WFDC8: variants seen among roughly 807,000 people sequenced by gnomAD.
The protein encoded by WFDC8 is WAP four-disulfide core domain protein 8.
A neutral mutation model predicts 27.0 loss-of-function variants in WFDC8; 24 were observed. The ratio of observed to expected loss-of-function variants is 0.89; its 90% confidence interval spans 0.64 to 1.25. WFDC8 has a LOEUF of 1.25. Ranked by LOEUF, WFDC8 falls within the 50% of genes most tolerant of loss-of-function variation. WFDC8 has a pLI of 0.00. For synonymous variants in WFDC8, 106 were observed against 99.7 expected, an observed-to-expected ratio of 1.06 and a Z score of -0.38; for missense variants, 287 against 295.9, an observed-to-expected ratio of 0.97 and a Z score of 0.22.
In WFDC8 at chr20:45,562,181, T is replaced by C. The variant is rs781055626; in HGVS notation, c.65A>G (p.Asn22Ser). The change falls in exon 2 of 6, where the codon AAT (asparagine) becomes AGT (serine). Residue 22 changes from asparagine to serine, a missense_variant. By Grantham distance (46) the Asn-to-Ser change is conservative. Coordinates refer to ENST00000289953, the MANE Select transcript of WFDC8 (RefSeq NM_130896.3). ...GGAGAGAAGCAGCAGGAAAGCTACA[T>C]TCCTCCAGGAGAAGGTGGGGCTATG... Reference protein sequence around the residue: ...PLHSPTFSWRNVAFLLLLSLA... With the variant: ...PLHSPTFSWRSVAFLLLLSLA... 2 of 1,614,154 alleles carry C rather than the reference T, an allele frequency of 1.2e-6. No homozygotes were observed. The highest frequency in any genetic ancestry group is 1.1e-5 in the South Asian group (1 of 91,078).
chr20:45,574,455 C>CAA (rs34142873), intron 1 of WFDC8, among the ~76,000 whole-genome samples: 3 of 126,234 alleles, frequency 2.4e-5, no homozygotes, highest in South Asian at 4.9e-4. Flanking sequence ...CAAAAATTCT[C>CAA]AAAAAAAAAA....
intron 4 of WFDC8, 105 bp from the exon 5 acceptor site, chr20:45,553,381 G>A (rs1980119130): frequency 4.3e-6 from 6 of 1,402,804 alleles, no homozygotes; most frequent in Non-Finnish European, 5.7e-6. Context: ...TCTGCAACTT[G>A]GTTCACCCTA....
At chr20:45,554,059 C>T (rs528409105) in intron 4 of WFDC8, among the ~76,000 whole-genome samples, 1 of 152,080 alleles carries the variant, frequency 6.6e-6, no homozygotes, top group Non-Finnish European at 1.5e-5. Context: ...TCAATTTCCC[C>T]AGCTCAAGTG....
intron 1 of WFDC8, among the ~76,000 whole-genome samples, chr20:45,575,694 A>G (rs1404256642): frequency 6.6e-6 from 1 of 151,308 alleles, no homozygotes; most frequent in African/African-American, 2.4e-5. Flanking sequence ...ACAGATGGCC[A>G]GGAGCTGGGG....
At chr20:45,579,021 C>T (rs564504091) in intron 1 of WFDC8, among the ~76,000 whole-genome samples, 6 of 152,246 alleles carry the variant, frequency 3.9e-5, no homozygotes, top group South Asian at 2.1e-4. Context: ...GCAGGAGAAT[C>T]GCTGGATGCA....
intron 3 of WFDC8, 91 bp downstream of exon 3, chr20:45,558,761 G>A (rs1980357864): frequency 2.6e-6 from 4 of 1,515,054 alleles, no homozygotes; most frequent in Non-Finnish European, 3.6e-6. Flanking sequence ...CAGGCCCTGG[G>A]TCCTTGTCCT....
intron 1 of WFDC8, among the ~76,000 whole-genome samples, chr20:45,572,919 C>G (rs184947919): frequency 3.1e-4 from 47 of 152,288 alleles, no homozygotes; most frequent in Non-Finnish European, 2.9e-5. Flanking sequence ...TGTATGCCTT[C>G]TTTTAAGAAA....
intron 1 of WFDC8, among the ~76,000 whole-genome samples, chr20:45,577,571 T>A (rs1972502654): frequency 6.7e-6 from 1 of 149,972 alleles, no homozygotes; most frequent in Admixed American, 6.6e-5. Context: ...GCTAATTTTT[T>A]GTATTTTTAG....
Position 45,579,179 on chromosome 20 carries a change from C to A in WFDC8, c.26+43G>T, listed in dbSNP as rs762565304. 12 of 1,604,996 alleles carry A rather than the reference C, an allele frequency of 7.5e-6. No individual in the cohort carries two copies. In the African/African-American group the frequency reaches 8.0e-5, roughly 11 times the overall value. ...TCCTCCTCATCTCCTTGGGCTCAGA[C>A]CCTCCATGTCTGGCTACCCACCCCC... On this transcript the variant is annotated intron_variant, in intron 1 of 5. Transcript: ENST00000289953.
chr20:45,561,870 GC>G (rs1441988557), intron 2 of WFDC8, among the ~76,000 whole-genome samples: 3 of 151,890 alleles, frequency 2.0e-5, no homozygotes, highest in African/African-American at 7.3e-5. Context: ...CCTAGTAGAT[GC>G]AAACTATATA....
In WFDC8 at chr20:45,553,181, A is replaced by T. The variant is rs780375285; in HGVS notation, c.541T>A (p.Cys181Ser). The T allele has an allele frequency of 6.2e-7, 1 of 1,613,696 alleles. No individual in the cohort carries two copies. ...ACAAAGCCACACCTGGATTCACAACATTTGTCTGTCTGGGGACAATCGATG... is the reference window on the plus strand; with the variant it reads ...ACAAAGCCACACCTGGATTCACAACTTTTGTCTGTCTGGGGACAATCGATG... ...SDIDCPQTDK[C>S]CESRCGFVCA... The change falls in exon 5 of 6, where the codon TGT becomes AGT. Residue 181 changes from cysteine (C) to serine (S), a missense_variant. Coordinates refer to ENST00000289953, the MANE Select transcript of WFDC8 (RefSeq NM_130896.3).
intron 1 of WFDC8, among the ~76,000 whole-genome samples, chr20:45,573,926 T>C (rs1734423561): frequency 6.6e-6 from 1 of 152,204 alleles, no homozygotes; most frequent in South Asian, 2.1e-4. Context: ...TACAGCTTTG[T>C]AGTATATTTA....
intron 1 of WFDC8, among the ~76,000 whole-genome samples, chr20:45,564,611 T>C (rs926664163): frequency 2.6e-5 from 4 of 151,502 alleles, no homozygotes; most frequent in African/African-American, 9.7e-5. Context: ...GAGGCAGAGC[T>C]TTCAGTGAGC....
At chr20:45,559,962 CTT>C (rs1269150112) in intron 2 of WFDC8, 3 of 152,140 alleles carry the variant, frequency 2.0e-5, no homozygotes, top group African/African-American at 7.2e-5. Flanking sequence ...AGATTCCCAT[CTT>C]CTGATTATTG....
chr20:45,553,437 A>C (rs527874143), intron 4 of WFDC8, among the ~76,000 whole-genome samples, 161 bp from the exon 5 acceptor site: 1 of 152,286 alleles, frequency 6.6e-6, no homozygotes, highest in South Asian at 2.1e-4. Flanking sequence ...ATGTCTCATC[A>C]TATCATGGGA....
chr20:45,571,565 A>G (rs192257182), intron 1 of WFDC8, among the ~76,000 whole-genome samples: 1 of 152,204 alleles, frequency 6.6e-6, no homozygotes. Context: ...GATCTCAGAG[A>G]CTTCTTTCCT....
intron 1 of WFDC8, among the ~76,000 whole-genome samples, chr20:45,572,396 C>CAAAAAAA (rs768958375): frequency 4.0e-5 from 2 of 49,424 alleles, no homozygotes; most frequent in African/African-American, 6.9e-5. Flanking sequence ...GAATCCATCT[C>CAAAAAAA]AAAAAAAAAA....
Position 45,579,206 on chromosome 20 carries a change from T to C in WFDC8, c.26+16A>G. 3 of 1,613,426 alleles carry C rather than the reference T, an allele frequency of 1.9e-6. No homozygotes were observed. Among genetic ancestry groups the C allele is most frequent in the Middle Eastern group, 1.7e-4 (1 of 6,056 alleles). ...CTCCATGTCTGGCTACCCACCCCCA[T>C]AGACACCCTCCTCACCCTCCTTCAG... On this transcript the variant is annotated intron_variant, in intron 1 of 5. Transcript: ENST00000289953.
At chr20:45,558,516 C>G (rs1293571252) in intron 3 of WFDC8, among the ~76,000 whole-genome samples, 1 of 152,176 alleles carries the variant, frequency 6.6e-6, no homozygotes, top group African/African-American at 2.4e-5. Flanking sequence ...CCTTGAAGAT[C>G]AAAGAGTCTG....
Sources: gnomAD v4.1 joint callset for allele counts (sites outside exome capture counted in the v4.1 genomes callset) on GRCh38, gnomAD v4.1.1 for gene constraint, MANE v1.5 for transcripts, NCBI Gene and HGNC (gene_info 2026-07-23, HGNC 2026-07-21) for gene names.